The following SLC25A48 variants were observed in gnomAD, a reference collection of about 807,000 sequenced individuals.
SLC25A48 encodes the protein solute carrier family 25 member 48.
A neutral mutation model predicts 32.2 loss-of-function variants in SLC25A48; 29 were observed. The observed-to-expected ratio is 0.90, with a 90% CI of 0.67 to 1.23. The LOEUF is 1.23. Among genes scored for constraint, SLC25A48 ranks in the 50% most tolerant of loss-of-function variants. The pLI is 0.00. For synonymous variants in SLC25A48, 164 were observed against 172.3 expected, an observed-to-expected ratio of 0.95 and a Z score of 0.38; for missense variants, 399 against 422.7, an observed-to-expected ratio of 0.94 and a Z score of 0.49.
At chr5:135,738,657 G>A (rs954293927) in intron 3 of SLC25A48, among the ~76,000 whole-genome samples, 3 of 152,126 alleles carry the variant, frequency 2.0e-5, no homozygotes, top group African/African-American at 4.8e-5. Flanking sequence ...CGAGTGCTCC[G>A]GGATCATCAA....
At chr5:135,763,790 CG>C (rs1756126172) in intron 3 of SLC25A48, among the ~76,000 whole-genome samples, 3 of 151,174 alleles carry the variant, frequency 2.0e-5, no homozygotes, top group South Asian at 2.1e-4. Context: ...CACACACACA[CG>C]AGAGAGAGAC....
At chr5:135,656,114 C>A (rs1753240317) in intron 3 of SLC25A48, among the ~76,000 whole-genome samples, 1 of 152,180 alleles carries the variant, frequency 6.6e-6, no homozygotes, top group Non-Finnish European at 1.5e-5. Flanking sequence ...TTGCAGTCAT[C>A]ACATTAGTTG....
At chr5:135,812,175 T>TA in intron 3 of SLC25A48, among the ~76,000 whole-genome samples, 1 of 152,220 alleles carries the variant, frequency 6.6e-6, no homozygotes, top group Non-Finnish European at 1.5e-5. Flanking sequence ...TTTTTTAAGC[T>TA]TCTATGGGTA....
At chr5:135,764,375 C>A (rs75114486) in intron 3 of SLC25A48, among the ~76,000 whole-genome samples, 2,379 of 151,862 alleles carry the variant, frequency 0.016, 46 homozygotes, top group African/African-American at 0.043. Context: ...TCATATTACT[C>A]CCCATATTGC....
At chr5:135,679,788 C>T (rs1447111077) in intron 3 of SLC25A48, among the ~76,000 whole-genome samples, 1 of 152,126 alleles carries the variant, frequency 6.6e-6, no homozygotes, top group Non-Finnish European at 1.5e-5. Flanking sequence ...AGGCCAGATG[C>T]AGTCTGCTGG....
chr5:135,805,523 C>T (rs992884147), intron 3 of SLC25A48, among the ~76,000 whole-genome samples: 15 of 151,638 alleles, frequency 9.9e-5, no homozygotes, highest in African/African-American at 3.1e-4. Flanking sequence ...AGTGGGTGTA[C>T]ACCACATGCG....
At chr5:135,611,563 TA>T (rs1445905123) in intron 1 of SLC25A48, among the ~76,000 whole-genome samples, 38 of 43,702 alleles carry the variant, frequency 8.7e-4, no homozygotes, top group Admixed American at 1.7e-3. Context: ...GAAAAAAAAA[TA>T]AGCTGGGTAT....
intron 2 of SLC25A48, 101 bp from the exon 3 acceptor site, chr5:135,850,324 C>T (rs1170844039): frequency 1.7e-5 from 20 of 1,178,808 alleles, no homozygotes; most frequent in South Asian, 2.6e-5. Flanking sequence ...CCTTTGCTGG[C>T]GGGGGTCACT....
intron 3 of SLC25A48, chr5:135,649,018 C>T (rs547984579): frequency 2.0e-4 from 30 of 152,384 alleles, no homozygotes; most frequent in African/African-American, 6.7e-4. Context: ...GCCTTAACTT[C>T]CCAGCTTCCC....
intron 1 of SLC25A48, among the ~76,000 whole-genome samples, chr5:135,617,989 A>T (rs1007257211): frequency 6.6e-6 from 1 of 151,920 alleles, no homozygotes; most frequent in Non-Finnish European, 1.5e-5. Context: ...TTCTGTCTAG[A>T]TGATGTGTTT....
At chr5:135,809,805 A>G (rs1253421402) in intron 3 of SLC25A48, among the ~76,000 whole-genome samples, 1 of 152,192 alleles carries the variant, frequency 6.6e-6, no homozygotes, top group Non-Finnish European at 1.5e-5. Context: ...TGTTTTGAGT[A>G]GTACTGGTGA....
chr5:135,714,112 G>T (rs905543034), intron 3 of SLC25A48, among the ~76,000 whole-genome samples: 2 of 152,186 alleles, frequency 1.3e-5, no homozygotes, highest in Non-Finnish European at 2.9e-5. Flanking sequence ...CCCTGGGGGC[G>T]CTGGGCTCCA....
At chr5:135,736,214 G>A (rs575851554) in intron 3 of SLC25A48, among the ~76,000 whole-genome samples, 2 of 152,212 alleles carry the variant, frequency 1.3e-5, no homozygotes, top group East Asian at 3.9e-4. Flanking sequence ...AGACTAGGGA[G>A]GGAATGAAGT....
chr5:135,709,576 C>T (rs139881140), intron 3 of SLC25A48, among the ~76,000 whole-genome samples: 51 of 152,304 alleles, frequency 3.3e-4, no homozygotes, highest in African/African-American at 1.1e-3. Flanking sequence ...AGCAGGGCGC[C>T]GTGGACCACA....
rs530834271 is a variant in SLC25A48, at chr5:135,594,565, A to C, written c.-849+14968A>C. Among the ~76,000 whole-genome samples, 13 of 152,300 alleles carry C rather than the reference A, an allele frequency of 8.5e-5. No homozygotes were observed. The South Asian group carries it at 2.7e-3, about 32-fold the overall frequency. The stretch of plus-strand genomic sequence containing the variant: ...GTGAAGATTGCATCAGACTTACCCC[A>C]GTCCTTGGCATGTGGGAGGGGTCTG... On this transcript the variant is annotated intron_variant, in intron 1 of 10. Coordinates refer to the SLC25A48 transcript ENST00000646290.
intron 3 of SLC25A48, among the ~76,000 whole-genome samples, chr5:135,691,271 A>G (rs1172936047): frequency 6.6e-6 from 1 of 152,232 alleles, no homozygotes; most frequent in Non-Finnish European, 1.5e-5. Context: ...TAGACCTGCT[A>G]TTCAGAGGCT....
chr5:135,742,916 G>A (rs1162955488), intron 3 of SLC25A48, among the ~76,000 whole-genome samples: 3 of 117,982 alleles, frequency 2.5e-5, no homozygotes, highest in Non-Finnish European at 5.2e-5. Flanking sequence ...TCCAACTAGG[G>A]GACAAAATCC....
At chr5:135,636,396 G>T in intron 3 of SLC25A48, among the ~76,000 whole-genome samples, 1 of 152,162 alleles carries the variant, frequency 6.6e-6, no homozygotes, top group East Asian at 1.9e-4. Context: ...TTGTAGAAAG[G>T]TCACTTCTGA....
At chr5:135,674,949 G>A (rs927807530) in intron 3 of SLC25A48, among the ~76,000 whole-genome samples, 13 of 151,436 alleles carry the variant, frequency 8.6e-5, no homozygotes, top group African/African-American at 3.2e-4. Flanking sequence ...TTCCATAGTG[G>A]TTGTAGCAGT....
Sources: allele counts gnomAD v4.1 joint callset (sites outside exome capture counted in the v4.1 genomes callset), GRCh38; gene constraint gnomAD v4.1.1; transcripts MANE v1.5; gene names NCBI Gene and HGNC (gene_info 2026-07-23, HGNC 2026-07-21).